XPO7: variants seen among roughly 807,000 people sequenced by gnomAD.
XPO7 encodes the protein exportin 7.
Under a neutral mutation model 144.3 loss-of-function variants are expected in XPO7, and 21 were observed. The ratio of observed to expected loss-of-function variants is 0.15; its 90% CI spans 0.10 to 0.21. The LOEUF is 0.21. Among genes scored for constraint, XPO7 ranks in the 10% least tolerant of loss-of-function variants. The pLI, the probability that XPO7 is intolerant of heterozygous loss-of-function variation, is 1.00. For synonymous variants in XPO7, 580 were observed against 499.6 expected (o/e 1.16, Z -2.15); for missense variants, 808 against 1,325.8 (o/e 0.61, Z 6.06).
intron 1 of XPO7, among the ~76,000 whole-genome samples, chr8:21,929,202 T>C (rs569348880): frequency 6.6e-6 from 1 of 152,348 alleles, no homozygotes; most frequent in East Asian, 1.9e-4. Flanking sequence ...GAAATTTCTA[T>C]TGGACAGTGC....
At chr8:21,974,990 A>G (rs995683959) in intron 6 of XPO7, among the ~76,000 whole-genome samples, 7 of 152,228 alleles carry the variant, frequency 4.6e-5, no homozygotes, top group South Asian at 2.1e-4. Context: ...TTTAAGCTCA[A>G]TTCCCCTAGG....
intron 7 of XPO7, 89 bp downstream of exon 7, chr8:21,976,610 G>T (rs1415744799): frequency 2.1e-6 from 3 of 1,403,906 alleles, no homozygotes; most frequent in African/African-American, 2.9e-5. Flanking sequence ...GGCAACTCCT[G>T]TGTATTCTGA....
intron 1 of XPO7, 52 bp downstream of exon 1, chr8:21,919,840 G>C: frequency 2.8e-6 from 1 of 353,686 alleles, no homozygotes; most frequent in Non-Finnish European, 5.0e-6. Context: ...GGCGAGTGGA[G>C]TCGGGGGTGC....
intron 1 of XPO7, chr8:21,921,452 C>G (rs1810284810): frequency 6.6e-6 from 1 of 152,154 alleles, no homozygotes; most frequent in Admixed American, 6.5e-5. Context: ...AACCATGCTT[C>G]GGAATGCAGA....
chr8:21,992,883 T>C (rs1233669800), intron 19 of XPO7, among the ~76,000 whole-genome samples: 1 of 152,212 alleles, frequency 6.6e-6, no homozygotes, highest in East Asian at 1.9e-4. Context: ...TAGGACTTTT[T>C]ACAGTATTCC....
At chr8:21,990,217 G>GTA in intron 16 of XPO7, 127 bp from the exon 17 acceptor site, 3 of 860,692 alleles carry the variant, frequency 3.5e-6, no homozygotes, top group Non-Finnish European at 5.6e-6. Context: ...TTTGGCAGTG[G>GTA]TATACTCAAG....
chr8:21,942,143 A>G (rs1419226344), intron 1 of XPO7, among the ~76,000 whole-genome samples: 1 of 152,238 alleles, frequency 6.6e-6, no homozygotes, highest in Non-Finnish European at 1.5e-5. Flanking sequence ...TTCTTGGTAA[A>G]TAAGATAAAT....
chr8:21,976,540 C>A lies in XPO7; in HGVS notation c.763+19C>A. The A allele has an allele frequency of 2.5e-6, 4 of 1,603,134 alleles. No individual in the cohort carries two copies. The highest frequency in any genetic ancestry group is 3.4e-6 in the Non-Finnish European group (4 of 1,174,040). On this transcript the variant is annotated intron_variant, in intron 7 of 27. Coordinates refer to ENST00000252512, the MANE Select transcript of XPO7 (RefSeq NM_015024.5). ...AGATCAGGTAACAGAACTTCCTCCA[C>A]CTCAAAGGCTGTCTGTCACTCCCCT...
chr8:21,938,785 A>C (rs1479155647), intron 1 of XPO7, among the ~76,000 whole-genome samples: 2 of 152,202 alleles, frequency 1.3e-5, no homozygotes, highest in African/African-American at 4.8e-5. Flanking sequence ...CATTAAAAAA[A>C]AAATGTCATA....
intron 1 of XPO7, among the ~76,000 whole-genome samples, chr8:21,955,589 C>T (rs1435391325): frequency 6.6e-6 from 1 of 152,154 alleles, no homozygotes; most frequent in Non-Finnish European, 1.5e-5. Context: ...CCTGGATGCT[C>T]TTAATGGCCA....
chr8:21,981,307 T>C (rs78318112), intron 9 of XPO7, among the ~76,000 whole-genome samples: 2 of 152,362 alleles, frequency 1.3e-5, no homozygotes, highest in East Asian at 1.9e-4. Context: ...TTAGTTGTGC[T>C]GAATGATCAG....
chr8:21,949,822 C>T (rs1229966097), intron 1 of XPO7, among the ~76,000 whole-genome samples: 2 of 152,200 alleles, frequency 1.3e-5, no homozygotes, highest in Admixed American at 6.5e-5. Context: ...CTCCACCTTC[C>T]AGCTTCAAGC....
chr8:22,002,282 T>A lies in XPO7; in HGVS notation c.2943+10T>A. The A allele has an allele frequency of 6.2e-7, 1 of 1,610,726 alleles. No homozygotes were observed. The highest frequency in any genetic ancestry group is 1.7e-5 in the Admixed American group (1 of 59,666). ...AGAGATGATCCAGCAGGTAAGAAAGTGGAGGCTTAGGAGGCAGTGATGGGG... is the reference window on the plus strand; with the variant it reads ...AGAGATGATCCAGCAGGTAAGAAAGAGGAGGCTTAGGAGGCAGTGATGGGG... On this transcript the variant is annotated intron_variant, in intron 25 of 27. Coordinates refer to ENST00000252512, the MANE Select transcript of XPO7 (RefSeq NM_015024.5).
chr8:21,961,403 G>A (rs1365654382), intron 1 of XPO7, among the ~76,000 whole-genome samples: 1 of 151,736 alleles, frequency 6.6e-6, no homozygotes, highest in Non-Finnish European at 1.5e-5. Context: ...ATTTGTAGAG[G>A]CGGAGTCTCC....
chr8:21,972,023 C>T (rs1349422318), intron 5 of XPO7, 82 bp downstream of exon 5: 3 of 1,369,844 alleles, frequency 2.2e-6, no homozygotes, highest in Non-Finnish European at 2.1e-6. Flanking sequence ...GTGGGATGAT[C>T]TTTTTTGGCA....
At chr8:21,968,889 C>G (rs995488351) in intron 2 of XPO7, among the ~76,000 whole-genome samples, 1 of 152,182 alleles carries the variant, frequency 6.6e-6, no homozygotes, top group Non-Finnish European at 1.5e-5. Flanking sequence ...AAAGCTATTC[C>G]ATTGCTTAAG....
chr8:21,970,282 C>G lies in XPO7; in HGVS notation c.398C>G (p.Ala133Gly). 1 of 1,613,352 alleles carries G rather than the reference C, an allele frequency of 6.2e-7. No individual in the cohort carries two copies. The highest frequency in any genetic ancestry group is 8.5e-7 in the Non-Finnish European group (1 of 1,179,662). The part of the protein sequence containing the change: ...CQKDDYVFRN[A>G]ITDVTRFLQD... ...AAGGATGACTATGTCTTCAGAAATG[C>G]AATCACAGACGTCACAAGGTTTTTA... Residue 133 changes from alanine (A) to glycine (G), a missense_variant, in exon 4 of 28, where the codon GCA (alanine) becomes GGA (glycine). Physicochemically the swap from Ala to Gly is moderately conservative, Grantham distance 60. Transcript: ENST00000252512.
chr8:21,992,754 C>T (rs1016548561), intron 19 of XPO7, among the ~76,000 whole-genome samples: 1 of 152,166 alleles, frequency 6.6e-6, no homozygotes, highest in Non-Finnish European at 1.5e-5. Context: ...TGTTTTCTAG[C>T]TCTTAGAATT....
At position 21,982,831 on chromosome 8, in the gene XPO7, A is replaced by C. The variant is rs376767806; in HGVS notation, c.1277+19A>C. 2 of 1,582,300 alleles carry C rather than the reference A, an allele frequency of 1.3e-6. No individual in the cohort carries two copies. The highest frequency in any genetic ancestry group is 2.7e-5 in the African/African-American group (2 of 73,730). On this transcript the variant is annotated intron_variant, in intron 11 of 27. Coordinates refer to ENST00000252512, the MANE Select transcript of XPO7 (RefSeq NM_015024.5). ...TACTGAGGTAAGGAAACTTAGCCTC[A>C]TTCATTCCCGCACCAGTGGCCTGTT...
Sources: allele counts gnomAD v4.1 joint callset (sites outside exome capture counted in the v4.1 genomes callset), GRCh38; gene constraint gnomAD v4.1.1; transcripts MANE v1.5; gene names NCBI Gene and HGNC (gene_info 2026-07-23, HGNC 2026-07-21).